Variants in MYO7B observed in about 807,000 individuals in gnomAD.
The protein encoded by MYO7B is unconventional myosin-VIIb.
Under a neutral mutation model 259.7 loss-of-function variants are expected in MYO7B, and 212 were observed. That is an observed-to-expected ratio of 0.82 (90% CI 0.73 to 0.91). The LOEUF is 0.91. MYO7B is among the 40% of genes least tolerant of loss of function. The probability of loss-of-function intolerance (pLI) is 0.00; values close to 1 mark genes in which losing one functional copy is unlikely to be tolerated. For synonymous variants in MYO7B, 1,197 were observed against 1,166.4 expected (o/e 1.03, Z -0.54); for missense variants, 2,732 against 2,813.5 (o/e 0.97, Z 0.66).
At chr2:127,619,349 C>T (rs1397865737) in intron 26 of MYO7B, among the ~76,000 whole-genome samples, 4 of 60,128 alleles carry the variant, frequency 6.7e-5, no homozygotes, top group African/African-American at 2.2e-4. Context: ...TGGGGGCCGG[C>T]TGGGTGGTGG....
chr2:127,541,674 G>A (rs1449490365), intron 1 of MYO7B, among the ~76,000 whole-genome samples: 1 of 152,206 alleles, frequency 6.6e-6, no homozygotes, highest in Non-Finnish European at 1.5e-5. Context: ...GATAAACTTG[G>A]TCAAATTTGC....
In MYO7B at chr2:127,576,813, G is replaced by A. The variant is rs553362586; in HGVS notation, c.849+105G>A. The stretch of plus-strand genomic sequence containing the variant: ...GCTGCAGAGAAGCCCAACGCTGGCC[G>A]GGCCCCTGAGGCGGGGCTGGTTCCC... On this transcript the variant is annotated intron_variant, in intron 8 of 47. Coordinates refer to ENST00000409816, the MANE Select transcript of MYO7B (RefSeq NM_001393586.1). The surrounding 1 kb of genome is among the most constrained non-coding windows in gnomAD (Gnocchi z 4.9). The A allele has an allele frequency of 7.3e-5, 56 of 763,766 alleles. No individual in the cohort carries two copies. The highest frequency in any genetic ancestry group is 2.6e-4 in the South Asian group (14 of 53,654). 47.3% of individuals were successfully genotyped at this position (763,766 alleles called of 1,614,324 possible).
At chr2:127,571,452 T>TTG (rs1678616917) in intron 6 of MYO7B, among the ~76,000 whole-genome samples, 4 of 140,532 alleles carry the variant, frequency 2.8e-5, no homozygotes, top group East Asian at 2.1e-4. Context: ...GTTTTTTTTT[T>TTG]TTTTTTTGCT....
chr2:127,610,434 A>G (rs1680339749), intron 24 of MYO7B, among the ~76,000 whole-genome samples: 1 of 152,214 alleles, frequency 6.6e-6, no homozygotes, highest in Admixed American at 6.5e-5. Context: ...AGCTAAAGAA[A>G]TGAAGAGCTG....
At position 127,585,286 on chromosome 2, in the gene MYO7B, C is replaced by A. The variant is rs1382842090; in HGVS notation, c.1690+373C>A. Among the ~76,000 whole-genome samples the A allele has an allele frequency of 6.6e-6, 1 of 152,186 alleles. No homozygotes were observed. The highest frequency in any genetic ancestry group is 1.5e-5 in the Non-Finnish European group (1 of 68,028). On this transcript the variant is annotated intron_variant, in intron 14 of 47. Coordinates refer to ENST00000409816, the MANE Select transcript of MYO7B (RefSeq NM_001393586.1). This position sits in a 1 kb window ranked among gnomAD's most constrained non-coding sequence, Gnocchi z 4.3. ...CCCAGCCCTGGGCAACAATTAATTT[C>A]TGTCTCTATGGATTTGCCTATTCTG...
In MYO7B at chr2:127,565,310, G is replaced by T. The variant is rs762335078; in HGVS notation, c.210G>T (p.Met70Ile). 1.7e-5 allele frequency: 27 copies of T among 1,614,066 alleles called. No individual in the cohort carries two copies. The highest frequency in any genetic ancestry group is 2.2e-5 in the Non-Finnish European group (26 of 1,179,896). Reference protein sequence around the residue: ...HPNSVQGVDDMIRLGDLNEAG... With the variant: ...HPNSVQGVDDIIRLGDLNEAG... ...ACTCAGTCCAGGGTGTGGACGACAT[G>T]ATCCGCCTGGGGGACCTGAACGAGG... is the stretch of plus-strand genomic sequence containing the variant. Residue 70 changes from methionine to isoleucine, a missense_variant, in exon 4 of 48, where the codon ATG becomes ATT. Met to Ile is a conservative substitution (Grantham distance 10). Coordinates refer to ENST00000409816, the MANE Select transcript of MYO7B (RefSeq NM_001393586.1).
intron 26 of MYO7B, among the ~76,000 whole-genome samples, chr2:127,618,920 C>T (rs1680697360): frequency 6.6e-6 from 1 of 152,122 alleles, no homozygotes; most frequent in African/African-American, 2.4e-5. Flanking sequence ...GGAACAGGAG[C>T]CAAGAGGAGG....
chr2:127,590,238 A>G lies in MYO7B; in HGVS notation c.1992+9A>G. ...AGTACAAGAAGCCGCTGGTAATGAC[A>G]GGAGGCTGGGGCACAGCAAAGGAGG... is the stretch of plus-strand genomic sequence containing the variant. On this transcript the variant is annotated intron_variant, in intron 16 of 47. Coordinates refer to ENST00000409816, the MANE Select transcript of MYO7B (RefSeq NM_001393586.1). This position sits in a 1 kb window ranked among gnomAD's most constrained non-coding sequence, Gnocchi z 4.6. The G allele has an allele frequency of 6.2e-7, 1 of 1,612,662 alleles. No homozygotes were observed. The highest frequency in any genetic ancestry group is 1.1e-5 in the South Asian group (1 of 91,060).
intron 9 of MYO7B, 127 bp from the exon 10 acceptor site, chr2:127,580,619 G>A (rs926779005): frequency 1.6e-5 from 14 of 866,270 alleles, no homozygotes; most frequent in African/African-American, 5.1e-5. Flanking sequence ...GGGAGAGACC[G>A]TGGCTTACGC....
In MYO7B at chr2:127,586,231, A is replaced by G. The variant is rs1282218685; in HGVS notation, c.1690+1318A>G. Among the ~76,000 whole-genome samples, 1 of 152,162 alleles carries G rather than the reference A, an allele frequency of 6.6e-6. No individual in the cohort carries two copies. The highest frequency in any genetic ancestry group is 2.4e-5 in the African/African-American group (1 of 41,430). On this transcript the variant is annotated intron_variant, in intron 14 of 47. Coordinates refer to ENST00000409816, the MANE Select transcript of MYO7B (RefSeq NM_001393586.1). This position sits in a 1 kb window ranked among gnomAD's most constrained non-coding sequence, Gnocchi z 4.8. ...ACCCATTTTGAGTTAATTTTGGGAT[A>G]TGTTGAGAGAGGATCGGTAATGGTT...
intron 1 of MYO7B, among the ~76,000 whole-genome samples, chr2:127,552,417 C>T (rs1693479077): frequency 6.6e-6 from 1 of 152,046 alleles, no homozygotes; most frequent in Non-Finnish European, 1.5e-5. Flanking sequence ...GCTCATGGGA[C>T]CCAGCTGGGT....
chr2:127,548,719 AT>A (rs527502494), intron 1 of MYO7B, among the ~76,000 whole-genome samples: 1 of 151,984 alleles, frequency 6.6e-6, no homozygotes, highest in Non-Finnish European at 1.5e-5. Context: ...CGGCCTCTAG[AT>A]TTTTTAACTA....
chr2:127,635,993 A>C (rs1573732709), intron 44 of MYO7B, 86 bp downstream of exon 44: 1 of 1,465,538 alleles, frequency 6.8e-7, no homozygotes, highest in East Asian at 2.5e-5. Context: ...CTGGGCTCCA[A>C]GATCACATGG....
At chr2:127,551,313 A>G (rs1256092389) in intron 1 of MYO7B, among the ~76,000 whole-genome samples, 2 of 152,204 alleles carry the variant, frequency 1.3e-5, no homozygotes, top group Non-Finnish European at 2.9e-5. Context: ...TGGCTGAGCT[A>G]TGGTGATCTG....
intron 1 of MYO7B, among the ~76,000 whole-genome samples, chr2:127,543,471 G>A (rs1251948883): frequency 6.6e-6 from 1 of 152,222 alleles, no homozygotes; most frequent in East Asian, 1.9e-4. Flanking sequence ...TCTTAGTACA[G>A]AACAAAATGG....
chr2:127,635,265 C>A (rs1239977444), intron 43 of MYO7B, 39 bp downstream of exon 43: 1 of 1,536,784 alleles, frequency 6.5e-7, no homozygotes, highest in Non-Finnish European at 8.9e-7. Flanking sequence ...TGGGGCCACC[C>A]CCATCTTCCC....
intron 1 of MYO7B, among the ~76,000 whole-genome samples, chr2:127,538,586 G>C (rs1371753693): frequency 6.7e-6 from 1 of 150,018 alleles, no homozygotes; most frequent in Non-Finnish European, 1.5e-5. Context: ...TTTTTTTTGA[G>C]ATGGAGTCTG....
intron 2 of MYO7B, among the ~76,000 whole-genome samples, chr2:127,561,998 A>G (rs1204354225): frequency 6.6e-6 from 1 of 150,896 alleles, no homozygotes; most frequent in African/African-American, 2.4e-5. Flanking sequence ...GAGGAGAGGG[A>G]GAAAGAAAAA....
In MYO7B at chr2:127,559,641, C is replaced by T. The variant is rs1677983698; in HGVS notation, c.-23-59C>T. On this transcript the variant is annotated intron_variant, in intron 1 of 47. Transcript: ENST00000409816. The surrounding 1 kb of genome is among the most constrained non-coding windows in gnomAD (Gnocchi z 4.1). ...GTGAACAAGCCCAGCTCCTGTGCTC[C>T]AGGGGCTCCTATTGGGGCTGTGTAT... 6.5e-7 allele frequency: 1 copy of T among 1,540,796 alleles called. No individual in the cohort carries two copies. The highest frequency in any genetic ancestry group is 1.1e-5 in the South Asian group (1 of 89,590).
Sources: gnomAD v4.1 joint callset for allele counts (sites outside exome capture counted in the v4.1 genomes callset) on GRCh38, gnomAD v4.1.1 for gene constraint, Gnocchi (gnomAD v3.1) non-coding constraint, MANE v1.5 for transcripts, NCBI Gene and HGNC (gene_info 2026-07-23, HGNC 2026-07-21) for gene names.